SIPA1L2: variants seen among roughly 807,000 people sequenced by gnomAD.
SIPA1L2 encodes signal-induced proliferation-associated 1-like protein 2.
A neutral mutation model predicts 163.9 loss-of-function variants in SIPA1L2; 56 were observed. The ratio of observed to expected loss-of-function variants is 0.34; its 90% confidence interval spans 0.28 to 0.43. The LOEUF (loss-of-function observed/expected upper bound fraction) is 0.43, where lower values mean the gene tolerates loss of function less well. Ranked by LOEUF, SIPA1L2 falls within the 20% of genes least tolerant of loss-of-function variation. SIPA1L2 has a pLI of 1.00. For synonymous variants in SIPA1L2, 877 were observed against 865.7 expected, an observed-to-expected ratio of 1.01 and a Z score of -0.23; for missense variants, 1,974 against 2,193.5, an observed-to-expected ratio of 0.90 and a Z score of 2.00.
chr1:232,497,435 C>T (rs1305548622), intron 3 of SIPA1L2, among the ~76,000 whole-genome samples: 1 of 152,174 alleles, frequency 6.6e-6, no homozygotes, highest in Non-Finnish European at 1.5e-5. Context: ...ATTTCACTCC[C>T]CCACAGCCTG....
chr1:232,629,676 G>A (rs1217598996), intron 1 of SIPA1L2, among the ~76,000 whole-genome samples, 193 bp downstream of exon 1: 2 of 152,064 alleles, frequency 1.3e-5, no homozygotes, highest in Non-Finnish European at 2.9e-5. Context: ...GGGAGCGCGG[G>A]CGCATCTGCG....
chr1:232,500,391 T>A (rs1324295155), intron 3 of SIPA1L2, among the ~76,000 whole-genome samples: 1 of 152,206 alleles, frequency 6.6e-6, no homozygotes, highest in Non-Finnish European at 1.5e-5. Context: ...CAGATAAAAT[T>A]GGAAGCCTGG....
intron 2 of SIPA1L2, among the ~76,000 whole-genome samples, chr1:232,517,540 G>A (rs957803035): frequency 3.3e-5 from 5 of 152,266 alleles, no homozygotes; most frequent in South Asian, 2.1e-4. Context: ...TAGGATTAGC[G>A]AGAATAAGAT....
intron 22 of SIPA1L2, among the ~76,000 whole-genome samples, chr1:232,400,195 C>T (rs912290584): frequency 1.3e-5 from 2 of 152,094 alleles, no homozygotes; most frequent in Non-Finnish European, 2.9e-5. Context: ...CCTGGATAGA[C>T]TCACTTCACT....
intron 7 of SIPA1L2, among the ~76,000 whole-genome samples, chr1:232,476,569 G>C (rs1466371682): frequency 3.9e-5 from 6 of 152,116 alleles, no homozygotes; most frequent in Non-Finnish European, 4.4e-5. Context: ...GCACACAGGG[G>C]AAGACAGCCC....
intron 2 of SIPA1L2, among the ~76,000 whole-genome samples, chr1:232,553,315 C>T (rs957111767): frequency 2.0e-5 from 3 of 152,198 alleles, no homozygotes; most frequent in Non-Finnish European, 2.9e-5. Flanking sequence ...TGCTGCCCTT[C>T]TCTCTTCTGT....
intron 1 of SIPA1L2, among the ~76,000 whole-genome samples, chr1:232,626,472 G>A (rs1025739543): frequency 6.6e-6 from 1 of 152,136 alleles, no homozygotes; most frequent in Non-Finnish European, 1.5e-5. Context: ...TCAACAGTGA[G>A]TCAAGATCTG....
chr1:232,623,252 TAACATACCCTGATCCTGGG>T (rs1224504080), intron 1 of SIPA1L2, among the ~76,000 whole-genome samples: 1 of 152,222 alleles, frequency 6.6e-6, no homozygotes, highest in Non-Finnish European at 1.5e-5. Context: ...TCTGAACTTT[TAACATACCCTGATCCTGGG>T]AATGCTTTCG....
At chr1:232,531,362 T>C (rs1656925462) in intron 2 of SIPA1L2, among the ~76,000 whole-genome samples, 1 of 152,162 alleles carries the variant, frequency 6.6e-6, no homozygotes, top group South Asian at 2.1e-4. Context: ...ATCCCCTTTC[T>C]TGTGATATTA....
intron 18 of SIPA1L2, among the ~76,000 whole-genome samples, chr1:232,421,578 T>C (rs770334163): frequency 8.5e-5 from 13 of 152,176 alleles, no homozygotes; most frequent in Non-Finnish European, 1.3e-4. Context: ...AGTCAAATAC[T>C]GAATAGTCAA....
chr1:232,570,945 T>TAA (rs11300623), intron 2 of SIPA1L2, among the ~76,000 whole-genome samples: 36 of 76,778 alleles, frequency 4.7e-4, no homozygotes, highest in African/African-American at 1.1e-3. Context: ...CCAGAAACTA[T>TAA]AAAAAAAAAA....
intron 10 of SIPA1L2, among the ~76,000 whole-genome samples, chr1:232,456,717 G>A (rs558522428): frequency 6.6e-6 from 1 of 152,202 alleles, no homozygotes; most frequent in Non-Finnish European, 1.5e-5. Context: ...ACCGGTGGCT[G>A]TAAATTATCC....
rs572096335 is a variant in SIPA1L2 at position 232,420,568 on chromosome 1, G to A, written c.4631-4943C>T. Among the ~76,000 whole-genome samples the A allele has an allele frequency of 3.9e-5, 6 of 152,306 alleles. No homozygotes were observed. The East Asian group carries it at 5.8e-4, about 15-fold the overall frequency. ...GACAAGACTGTGGCTGGGCGTGGTGGCTCATGCCTGTAATCCCAGCACTTT... is the reference window on the plus strand; with the variant it reads ...GACAAGACTGTGGCTGGGCGTGGTGACTCATGCCTGTAATCCCAGCACTTT... On this transcript the variant is annotated intron_variant, in intron 18 of 22. Coordinates refer to ENST00000674635, the MANE Select transcript of SIPA1L2 (RefSeq NM_020808.5).
chr1:232,573,819 A>G (rs1659936804), intron 2 of SIPA1L2, among the ~76,000 whole-genome samples: 2 of 152,204 alleles, frequency 1.3e-5, no homozygotes, highest in African/African-American at 4.8e-5. Flanking sequence ...ACCCACCAAC[A>G]TGCTCACGTG....
At chr1:232,450,951 T>C (rs1402556908) in intron 10 of SIPA1L2, among the ~76,000 whole-genome samples, 1 of 152,220 alleles carries the variant, frequency 6.6e-6, no homozygotes, top group Non-Finnish European at 1.5e-5. Context: ...CAGAAAGTCA[T>C]ATAGGAAAGG....
intron 2 of SIPA1L2, among the ~76,000 whole-genome samples, chr1:232,524,065 TATAAG>T (rs1455754870): frequency 1.3e-5 from 2 of 152,198 alleles, no homozygotes; most frequent in Non-Finnish European, 2.9e-5. Flanking sequence ...TTACTTGAGT[TATAAG>T]ATACTGAGTT....
At chr1:232,425,882 C>T (rs768636695) in intron 17 of SIPA1L2, 74 bp from the exon 18 acceptor site, 2 of 1,318,084 alleles carry the variant, frequency 1.5e-6, no homozygotes, top group Non-Finnish European at 2.1e-6. Context: ...TGGACTAAGT[C>T]CAGTGGTTTC....
chr1:232,626,979 T>C (rs1431576712), intron 1 of SIPA1L2, among the ~76,000 whole-genome samples: 1 of 152,060 alleles, frequency 6.6e-6, no homozygotes, highest in Admixed American at 6.6e-5. Flanking sequence ...TTAACAGAAG[T>C]AGAAAACCTA....
At chr1:232,535,903 G>A (rs997094106) in intron 2 of SIPA1L2, among the ~76,000 whole-genome samples, 2 of 152,186 alleles carry the variant, frequency 1.3e-5, no homozygotes, top group Non-Finnish European at 2.9e-5. Context: ...TCATAAAAGA[G>A]ATTTAATGTT....
Sources: gnomAD v4.1 joint callset for allele counts (sites outside exome capture counted in the v4.1 genomes callset) on GRCh38, gnomAD v4.1.1 for gene constraint, MANE v1.5 for transcripts, NCBI Gene and HGNC (gene_info 2026-07-23, HGNC 2026-07-21) for gene names.